The following PGLYRP3 variants were observed in gnomAD, a reference collection of about 807,000 sequenced individuals.
PGLYRP3 encodes the protein peptidoglycan recognition protein 3, also known as peptidoglycan recognition protein I alpha.
In PGLYRP3, 39 loss-of-function variants were observed where a neutral mutation model predicts 36.0. That is an observed-to-expected ratio of 1.08 (90% CI 0.84 to 1.41). PGLYRP3 has a LOEUF of 1.41. Ranked by LOEUF, PGLYRP3 falls within the 40% of genes most tolerant of loss-of-function variation. The probability of loss-of-function intolerance (pLI) is 0.00; values close to 1 mark genes in which losing one functional copy is unlikely to be tolerated. For missense variants in PGLYRP3, 407 were observed against 427.9 expected, an observed-to-expected ratio of 0.95 and a Z score of 0.43; for synonymous variants, 204 against 172.8, an observed-to-expected ratio of 1.18 and a Z score of -1.42.
chr1:153,298,976 TAA>T, intron 7 of PGLYRP3, 135 bp downstream of exon 7: 1 of 713,374 alleles, frequency 1.4e-6, no homozygotes, highest in Non-Finnish European at 2.5e-6. Context: ...CATCCTGTAT[TAA>T]GAGTCCACTT....
At chr1:153,300,048 T>C (rs1032417944) in intron 6 of PGLYRP3, among the ~76,000 whole-genome samples, 14 of 152,150 alleles carry the variant, frequency 9.2e-5, no homozygotes, top group Non-Finnish European at 1.8e-4. Context: ...GAGCATGACC[T>C]CCCAAATAGT....
intron 3 of PGLYRP3, among the ~76,000 whole-genome samples, chr1:153,306,287 C>T (rs1206326825): frequency 3.9e-5 from 6 of 152,190 alleles, no homozygotes; most frequent in East Asian, 1.9e-4. Context: ...GAGTTCCATG[C>T]GGGACAGCCC....
intron 2 of PGLYRP3, among the ~76,000 whole-genome samples, chr1:153,307,668 G>A (rs985853265): frequency 6.6e-6 from 1 of 152,078 alleles, no homozygotes. Flanking sequence ...ACTGCCATTT[G>A]CCCTGGTCTC....
intron 2 of PGLYRP3, 58 bp from the exon 3 acceptor site, chr1:153,307,325 G>T (rs1480818065): frequency 6.7e-7 from 1 of 1,501,282 alleles, no homozygotes; most frequent in African/African-American, 1.4e-5. Flanking sequence ...CCCCCAACAG[G>T]TCGACCATGT....
chr1:153,305,132 A>C, intron 3 of PGLYRP3, 67 bp from the exon 4 acceptor site: 1 of 1,320,496 alleles, frequency 7.6e-7, no homozygotes, highest in South Asian at 1.3e-5. Flanking sequence ...CTGATCCTCA[A>C]AAGGAAAAGG....
At position 153,310,609 on chromosome 1, in the gene PGLYRP3, A is replaced by G; in HGVS notation, c.55+2T>C. Reference sequence around the variant, plus strand: ...CTTCTGATGCAAGTAAATAAAACTTACCCCAAGCCTGGAGACCCAGAATGA... The same window carrying G: ...CTTCTGATGCAAGTAAATAAAACTTGCCCCAAGCCTGGAGACCCAGAATGA... On this transcript the variant is annotated splice_donor_variant, in intron 2 of 7. Transcript: ENST00000683862. LOFTEE classifies it high-confidence loss of function. 1 of 1,614,020 alleles carries G rather than the reference A, an allele frequency of 6.2e-7. No homozygotes were observed. Among genetic ancestry groups the G allele is most frequent in the Non-Finnish European group, 8.5e-7 (1 of 1,179,924 alleles).
intron 1 of PGLYRP3, among the ~76,000 whole-genome samples, chr1:153,311,122 G>A (rs1332217018): frequency 6.6e-6 from 1 of 152,084 alleles, no homozygotes; most frequent in Non-Finnish European, 1.5e-5. Context: ...CTCAGATGGA[G>A]TGAACTACAA....
intron 6 of PGLYRP3, 49 bp downstream of exon 6, chr1:153,302,360 C>T: frequency 6.3e-7 from 1 of 1,593,330 alleles, no homozygotes; most frequent in Non-Finnish European, 8.6e-7. Flanking sequence ...GCCTTCCTTC[C>T]TACAATCCTG....
chr1:153,299,276 G>C, intron 6 of PGLYRP3, 45 bp from the exon 7 acceptor site: 1 of 1,389,640 alleles, frequency 7.2e-7, no homozygotes, highest in Non-Finnish European at 1.0e-6. Context: ...CTGGGAAACA[G>C]AATTTAAATA....
intron 2 of PGLYRP3, among the ~76,000 whole-genome samples, chr1:153,307,704 C>T (rs112314015): frequency 6.6e-5 from 10 of 152,282 alleles, no homozygotes; most frequent in African/African-American, 2.2e-4. Flanking sequence ...CTTCCCCTCC[C>T]CTAAGAACCA....
chr1:153,300,683 A>G (rs1659568849), intron 6 of PGLYRP3, among the ~76,000 whole-genome samples: 1 of 152,196 alleles, frequency 6.6e-6, no homozygotes, highest in Non-Finnish European at 1.5e-5. Flanking sequence ...CTGATGAAGA[A>G]CACTTGCCCA....
At chr1:153,311,765 A>C (rs1314480188) in intron 1 of PGLYRP3, among the ~76,000 whole-genome samples, 1 of 152,238 alleles carries the variant, frequency 6.6e-6, no homozygotes, top group Non-Finnish European at 1.5e-5. Flanking sequence ...TTTAAACTGC[A>C]ATCAGCAGTC....
intron 2 of PGLYRP3, among the ~76,000 whole-genome samples, chr1:153,308,120 G>A (rs980890719): frequency 4.0e-5 from 6 of 151,614 alleles, no homozygotes; most frequent in African/African-American, 7.3e-5. Context: ...TCAGCCTCCC[G>A]AGTAACTGGA....
Position 153,310,703 on chromosome 1 carries a change from A to G in PGLYRP3, c.-38T>C, listed in dbSNP as rs3006473. ...CTCTGACCGGGAGAGTGTGGACGGC[A>G]GCCCTGGAAGAGAGGCTAACAGTTA... On this transcript the variant is annotated 5_prime_UTR_variant, in exon 2 of 8. Transcript: ENST00000683862. 707,974 of 1,594,560 alleles carry G rather than the reference A, an allele frequency of 0.44. 162,303 individuals are homozygous for G. Among genetic ancestry groups the G allele is most frequent in the Non-Finnish European group, 0.48 (557,563 of 1,163,728 alleles).
chr1:153,299,058 A>C, intron 7 of PGLYRP3, 55 bp downstream of exon 7: 3 of 1,429,286 alleles, frequency 2.1e-6, no homozygotes, highest in Non-Finnish European at 3.0e-6. Context: ...CTTCCCAGAC[A>C]TGCTGCATGG....
In PGLYRP3 at chr1:153,297,530, GGAAGGAAGGAAGGAAGGAAGGAAA is replaced by G. The variant is rs1240672821; in HGVS notation, c.*402_*425del. Among the ~76,000 whole-genome samples, 2,745 of 86,958 alleles carry G rather than the reference GGAAGGAAGGAAGGAAGGAAGGAAA, an allele frequency of 0.032. 90 individuals carry two copies. The highest frequency in any genetic ancestry group is 0.047 in the Non-Finnish European group (1,911 of 40,636). 57.0% of individuals were successfully genotyped at this position (86,958 alleles called of 152,430 possible). The stretch of plus-strand genomic sequence containing the variant: ...AGGAAGGAAGGAAGGAAGGAAGGAA[GGAAGGAAGGAAGGAAGGAAGGAAA>G]GAAAGAAAAAGAAAGAAAGAAAGAA... On this transcript the variant is annotated 3_prime_UTR_variant, in exon 8 of 8. Transcript: ENST00000683862.
intron 4 of PGLYRP3, among the ~76,000 whole-genome samples, chr1:153,304,586 T>C (rs1659688167): frequency 1.1e-5 from 1 of 87,530 alleles, no homozygotes; most frequent in Non-Finnish European, 2.2e-5. Flanking sequence ...CCTGCTGCCT[T>C]CTGGTCACTT....
rs138598272 is a variant in PGLYRP3, at chr1:153,307,951, G to C, written c.56-684C>G. On this transcript the variant is annotated intron_variant, in intron 2 of 7. Transcript: ENST00000683862. ...GGAGACACTGTCATGCTGGAGCTGG[G>C]AGTGGAGGACATGTCTTTTCTCTCT... 2.3e-3 allele frequency among the ~76,000 whole-genome samples: 348 copies of C among 152,188 alleles called. 3 individuals are homozygous for C. Among genetic ancestry groups the C allele is most frequent in the African/African-American group, 8.0e-3 (333 of 41,516 alleles).
Position 153,305,013 on chromosome 1 carries a change from G to A in PGLYRP3, c.310C>T (p.Gln104Ter). 1 of 1,613,874 alleles carries A rather than the reference G, an allele frequency of 6.2e-7. No homozygotes were observed. Among genetic ancestry groups the A allele is most frequent in the Non-Finnish European group, 8.5e-7 (1 of 1,179,910 alleles). The part of the protein sequence containing the change: ...RVYEGVGWNI[Q>*]GLHTQGYNNI... ...TTGTAGCCCTGGGTGTGCAAGCCTT[G>A]GATGTTCCAGCCAACACCTTCATAC... Residue 104 changes from glutamine to a stop codon, truncating the protein, a stop_gained, in exon 4 of 8, where the codon CAA becomes TAA. Coordinates refer to ENST00000683862, the MANE Select transcript of PGLYRP3 (RefSeq NM_052891.3). LOFTEE classifies it high-confidence loss of function.
Sources: allele counts gnomAD v4.1 joint callset (sites outside exome capture counted in the v4.1 genomes callset), GRCh38; gene constraint gnomAD v4.1.1; transcripts MANE v1.5; gene names NCBI Gene and HGNC (gene_info 2026-07-23, HGNC 2026-07-21).